KANSL1: variants seen among roughly 807,000 people sequenced by gnomAD.
KANSL1 encodes KAT8 regulatory NSL complex subunit 1, also known as MLL1/MLL complex subunit KANSL1.
Under a neutral mutation model 103.6 loss-of-function variants are expected in KANSL1, and 22 were observed. The ratio of observed to expected loss-of-function variants is 0.21; its 90% confidence interval spans 0.15 to 0.30. KANSL1 has a LOEUF of 0.30. Among genes scored for constraint, KANSL1 ranks in the 10% least tolerant of loss-of-function variants. KANSL1 has a pLI of 1.00. For missense variants in KANSL1, 1,337 were observed against 1,399.8 expected (o/e 0.96, Z 0.72); for synonymous variants, 600 against 527.6 (o/e 1.14, Z -1.88).
intron 2 of KANSL1, chr17:46,152,882 T>C (rs1244445793): frequency 1.3e-5 from 2 of 152,268 alleles, no homozygotes; most frequent in Non-Finnish European, 2.9e-5. Flanking sequence ...TAAATAATTT[T>C]AAATTATTCC....
intron 4 of KANSL1, 128 bp downstream of exon 4, chr17:46,082,313 G>T: frequency 1.7e-6 from 1 of 584,276 alleles, no homozygotes; most frequent in Non-Finnish European, 3.1e-6. Context: ...AACACCAAAA[G>T]TGATAAAAGT....
chr17:46,059,666 A>AG (rs1555742615), intron 6 of KANSL1, among the ~76,000 whole-genome samples: 4 of 144,672 alleles, frequency 2.8e-5, no homozygotes, highest in African/African-American at 7.6e-5. Context: ...AGAGAGAGAG[A>AG]AAAGGAAACT....
At chr17:46,204,683 A>T (rs1418544263) in intron 1 of KANSL1, among the ~76,000 whole-genome samples, 2 of 152,266 alleles carry the variant, frequency 1.3e-5, no homozygotes, top group African/African-American at 4.8e-5. Flanking sequence ...TCTTATGAAT[A>T]CAGATGTAAA....
chr17:46,176,212 C>T (rs1172010239), intron 1 of KANSL1, among the ~76,000 whole-genome samples: 1 of 152,214 alleles, frequency 6.6e-6, no homozygotes, highest in Non-Finnish European at 1.5e-5. Flanking sequence ...AGCAAGGGCA[C>T]AAATATGCTT....
intron 6 of KANSL1, 27 bp downstream of exon 6, chr17:46,066,510 C>A: frequency 6.4e-7 from 1 of 1,564,044 alleles, no homozygotes; most frequent in Non-Finnish European, 8.7e-7. Flanking sequence ...CACTGCTTGA[C>A]AATGACCAAC....
intron 2 of KANSL1, among the ~76,000 whole-genome samples, chr17:46,127,473 AAC>A (rs1391587289): frequency 1.3e-5 from 2 of 152,220 alleles, no homozygotes; most frequent in Non-Finnish European, 2.9e-5. Context: ...CAAAAAAAGA[AAC>A]AGTTTTAAAC....
intron 2 of KANSL1, among the ~76,000 whole-genome samples, chr17:46,136,137 G>A (rs2044130006): frequency 6.6e-6 from 1 of 152,046 alleles, no homozygotes; most frequent in Non-Finnish European, 1.5e-5. Flanking sequence ...CTCTCCCTGG[G>A]TCAAAACTCT....
chr17:46,129,941 T>C (rs761847577), intron 2 of KANSL1, among the ~76,000 whole-genome samples: 1 of 152,070 alleles, frequency 6.6e-6, no homozygotes, highest in Non-Finnish European at 1.5e-5. Context: ...ATTCTAGCAC[T>C]TTGGGAGGCC....
At chr17:46,064,081 A>AC (rs1175001177) in intron 6 of KANSL1, among the ~76,000 whole-genome samples, 1 of 150,174 alleles carries the variant, frequency 6.7e-6, no homozygotes, top group African/African-American at 2.4e-5. Context: ...ACAAAAAAAA[A>AC]CTGAGACTGA....
chr17:46,045,071 G>GT (rs1387757103), intron 7 of KANSL1: 1 of 151,996 alleles, frequency 6.6e-6, no homozygotes, highest in African/African-American at 2.4e-5. Context: ...AGAAGAGGTT[G>GT]TAAGGGTGGC....
At chr17:46,191,898 T>C (rs1314319470) in intron 1 of KANSL1, among the ~76,000 whole-genome samples, 1 of 148,132 alleles carries the variant, frequency 6.8e-6, no homozygotes. Context: ...CTGCCGACCC[T>C]AGGAGCACTA....
At chr17:46,200,068 CT>C (rs1408321186) in intron 1 of KANSL1, among the ~76,000 whole-genome samples, 5 of 151,944 alleles carry the variant, frequency 3.3e-5, no homozygotes, top group African/African-American at 2.4e-5. Flanking sequence ...CACACACACC[CT>C]GATTATTTTG....
At chr17:46,119,352 C>T (rs1295261336) in intron 2 of KANSL1, among the ~76,000 whole-genome samples, 1 of 150,670 alleles carries the variant, frequency 6.6e-6, no homozygotes, top group Non-Finnish European at 1.5e-5. Context: ...TGGGGAGTCT[C>T]GCTCAGTTGC....
chr17:46,107,906 A>G (rs573686260), intron 2 of KANSL1, among the ~76,000 whole-genome samples: 21 of 151,994 alleles, frequency 1.4e-4, no homozygotes, highest in Non-Finnish European at 2.8e-4. Flanking sequence ...TCATAAACAC[A>G]CTCAATTGGC....
intron 1 of KANSL1, among the ~76,000 whole-genome samples, chr17:46,199,767 G>A (rs994192657): frequency 6.6e-6 from 1 of 152,196 alleles, no homozygotes; most frequent in Non-Finnish European, 1.5e-5. Flanking sequence ...TACTGTTGTA[G>A]GTTAAACCTA....
chr17:46,066,182 T>G (rs1012329739), intron 6 of KANSL1, among the ~76,000 whole-genome samples: 3 of 152,150 alleles, frequency 2.0e-5, no homozygotes, highest in African/African-American at 7.2e-5. Flanking sequence ...GGGCAAAGGA[T>G]TCTATACTGC....
chr17:46,090,362 G>C (rs1278374157), intron 3 of KANSL1, among the ~76,000 whole-genome samples: 1 of 152,216 alleles, frequency 6.6e-6, no homozygotes, highest in Non-Finnish European at 1.5e-5. Context: ...AGTTTGTTAT[G>C]ACAGTCTAGG....
At chr17:46,101,434 A>G (rs1196764840) in intron 2 of KANSL1, among the ~76,000 whole-genome samples, 1 of 152,204 alleles carries the variant, frequency 6.6e-6, no homozygotes, top group Non-Finnish European at 1.5e-5. Flanking sequence ...ACTGCAACCT[A>G]AAATGTATGT....
intron 1 of KANSL1, among the ~76,000 whole-genome samples, chr17:46,203,026 G>C (rs2047853811): frequency 6.6e-6 from 1 of 152,214 alleles, no homozygotes; most frequent in Non-Finnish European, 1.5e-5. Flanking sequence ...GAACTCAGGA[G>C]TTCGAGACCA....
Sources: gnomAD v4.1 joint callset for allele counts (sites outside exome capture counted in the v4.1 genomes callset) on GRCh38, gnomAD v4.1.1 for gene constraint, MANE v1.5 for transcripts, NCBI Gene and HGNC (gene_info 2026-07-23, HGNC 2026-07-21) for gene names.